Variants in GPSM2 observed in about 807,000 individuals in gnomAD.
GPSM2 encodes G protein-signaling modulator 2.
In GPSM2, 58 loss-of-function variants were observed where a neutral mutation model predicts 78.4. The observed-to-expected ratio is 0.74, with a 90% confidence interval of 0.60 to 0.92. The LOEUF is 0.92. Among genes scored for constraint, GPSM2 ranks in the 40% least tolerant of loss-of-function variants. GPSM2 has a pLI of 0.00. For synonymous variants in GPSM2, 224 were observed against 280.2 expected, an observed-to-expected ratio of 0.80 and a Z score of 2.00; for missense variants, 700 against 815.5, an observed-to-expected ratio of 0.86 and a Z score of 1.73.
At chr1:108,929,596 A>G (rs1557884029) in intron 14 of GPSM2, 105 bp from the exon 15 acceptor site, 12 of 993,136 alleles carry the variant, frequency 1.2e-5, no homozygotes, top group Non-Finnish European at 1.6e-5. Flanking sequence ...GAAGCCCCAA[A>G]TAAAAGTTTA....
chr1:108,883,211 G>C, intron 1 of GPSM2, among the ~76,000 whole-genome samples: 1 of 152,198 alleles, frequency 6.6e-6, no homozygotes, highest in East Asian at 1.9e-4. Flanking sequence ...AACTTCATCA[G>C]TATTCCCAAG....
chr1:108,912,389 T>TA (rs1411194910), intron 10 of GPSM2, among the ~76,000 whole-genome samples: 3 of 152,056 alleles, frequency 2.0e-5, no homozygotes, highest in Non-Finnish European at 4.4e-5. Context: ...TAATCTCACA[T>TA]AAAAATGAAT....
In GPSM2 at chr1:108,928,988, CAAA is replaced by C. The variant is rs58261746; in HGVS notation, c.1816-696_1816-694del. Among the ~76,000 whole-genome samples the C allele has an allele frequency of 7.7e-5, 8 of 104,572 alleles. 1 individual carries two copies. Among genetic ancestry groups the C allele is most frequent in the African/African-American group, 1.1e-4 (3 of 27,090 alleles). The allele number at this position is 104,572 out of a possible 152,430, so 68.6% of individuals were successfully genotyped here. A position where few individuals can be genotyped will look rare whatever the true frequency, so the allele number is the denominator to read the frequency against. ...TGGATGACAGAGCGAGAATCCGTCT[CAAA>C]AAAAAAAAAAAAAAAATTCATTCTG... On this transcript the variant is annotated intron_variant, in intron 14 of 14. Transcript: ENST00000264126.
intron 1 of GPSM2, among the ~76,000 whole-genome samples, chr1:108,883,416 G>C (rs1482410935): frequency 6.6e-6 from 1 of 152,172 alleles, no homozygotes; most frequent in Non-Finnish European, 1.5e-5. Context: ...TAGAACAAAT[G>C]GGTAGAAATG....
chr1:108,920,159 C>A (rs1197874393), intron 12 of GPSM2, among the ~76,000 whole-genome samples: 1 of 135,834 alleles, frequency 7.4e-6, no homozygotes, highest in Non-Finnish European at 1.6e-5. Context: ...AGAGTGAGAC[C>A]CCATCTCAAA....
At chr1:108,908,819 A>C (rs546163830) in intron 10 of GPSM2, among the ~76,000 whole-genome samples, 6 of 151,670 alleles carry the variant, frequency 4.0e-5, no homozygotes, top group African/African-American at 9.7e-5. Flanking sequence ...ACTTGGGCAC[A>C]CAGGGAGACC....
chr1:108,882,022 G>GA (rs1392330057), intron 1 of GPSM2, among the ~76,000 whole-genome samples: 1 of 152,068 alleles, frequency 6.6e-6, no homozygotes, highest in Non-Finnish European at 1.5e-5. Flanking sequence ...TGCAATCATC[G>GA]ATTACTATAA....
Position 108,931,253 on chromosome 1 carries a change from T to A in GPSM2, c.*1313T>A. The A allele has an allele frequency of 1.4e-6, 2 of 1,434,438 alleles. No homozygotes were observed. Among genetic ancestry groups the A allele is most frequent in the East Asian group, 5.0e-5 (2 of 39,604 alleles). 88.9% of individuals were successfully genotyped at this position (1,434,438 alleles called of 1,614,324 possible). ...GATGAAAACTCACAAAAATTAAATATGAAAGAAAGATGTCAGCTAGAACCT... is the reference window on the plus strand; with the variant it reads ...GATGAAAACTCACAAAAATTAAATAAGAAAGAAAGATGTCAGCTAGAACCT... On this transcript the variant is annotated 3_prime_UTR_variant, in exon 15 of 15. Transcript: ENST00000264126.
intron 11 of GPSM2, among the ~76,000 whole-genome samples, chr1:108,917,942 G>A (rs866014627): frequency 4.6e-5 from 7 of 151,708 alleles, no homozygotes; most frequent in South Asian, 2.1e-4. Context: ...TTTTACCTAC[G>A]AAAAAATGTG....
In GPSM2 at chr1:108,929,808, G is replaced by C; in HGVS notation, c.1923G>C (p.Lys641Asn). 1 of 1,614,144 alleles carries C rather than the reference G, an allele frequency of 6.2e-7. No homozygotes were observed. The highest frequency in any genetic ancestry group is 8.5e-7 in the Non-Finnish European group (1 of 1,179,996). The change falls in exon 15 of 15, where the codon AAG (lysine) becomes AAC (asparagine). Residue 641 changes from lysine (K) to asparagine (N), a missense_variant. Lys to Asn is a moderately conservative substitution (Grantham distance 94, BLOSUM62 0). Transcript: ENST00000264126. ...GCCTTATTTTACGGTCCCAGGGAAA[G>C]AGAATGGATGAACAGAGAGTTCTTT... ...FFSLILRSQGKRMDEQRVLLQ... is the reference protein window; with the variant it reads ...FFSLILRSQGNRMDEQRVLLQ...
rs1650788268 is a variant in GPSM2 at position 108,922,527 on chromosome 1, T to TA, written c.1552dup (p.Thr518AsnfsTer12). 1 of 1,595,940 alleles carries TA rather than the reference T, an allele frequency of 6.3e-7. No individual in the cohort carries two copies. The highest frequency in any genetic ancestry group is 8.5e-7 in the Non-Finnish European group (1 of 1,175,492). ...GTTGCTTACAAGAAAAGAACTGCCATACAGCTTCAACAACAACTTCTTCCA... is the reference window on the plus strand; with the variant it reads ...GTTGCTTACAAGAAAAGAACTGCCATAACAGCTTCAACAACAACTTCTTCCA... On this transcript the variant is annotated frameshift_variant, in exon 13 of 15. Transcript: ENST00000264126. LOFTEE classifies it high-confidence loss of function.
At chr1:108,894,654 T>C (rs1648221492) in intron 2 of GPSM2, among the ~76,000 whole-genome samples, 1 of 151,934 alleles carries the variant, frequency 6.6e-6, no homozygotes, top group East Asian at 1.9e-4. Flanking sequence ...GCCAAGATTG[T>C]ACTGCTGCAC....
chr1:108,919,059 G>T (rs1237163609), intron 12 of GPSM2, among the ~76,000 whole-genome samples: 2 of 151,682 alleles, frequency 1.3e-5, no homozygotes, highest in African/African-American at 4.9e-5. Flanking sequence ...CCAGGCTGGA[G>T]TTCAGTGGCG....
chr1:108,912,032 T>G (rs1649791436), intron 10 of GPSM2, among the ~76,000 whole-genome samples: 1 of 152,040 alleles, frequency 6.6e-6, no homozygotes. Context: ...AGTCTCGAAC[T>G]TATGAGTTCA....
chr1:108,904,829 C>T (rs1649101201), intron 10 of GPSM2, among the ~76,000 whole-genome samples: 1 of 151,534 alleles, frequency 6.6e-6, no homozygotes, highest in South Asian at 2.1e-4. Context: ...ATTTCTATAG[C>T]GAGGAAATTT....
intron 14 of GPSM2, among the ~76,000 whole-genome samples, chr1:108,928,208 A>G (rs1173501327): frequency 6.6e-6 from 1 of 152,240 alleles, no homozygotes; most frequent in Non-Finnish European, 1.5e-5. Flanking sequence ...AAACTCAACA[A>G]AAACCAACCT....
intron 10 of GPSM2, among the ~76,000 whole-genome samples, chr1:108,906,842 A>G (rs941431699): frequency 6.6e-6 from 1 of 152,184 alleles, no homozygotes; most frequent in African/African-American, 2.4e-5. Context: ...TCTGTCGCCC[A>G]GGCTGGAGTG....
intron 11 of GPSM2, among the ~76,000 whole-genome samples, chr1:108,915,366 C>A: frequency 1.2e-5 from 1 of 86,430 alleles, no homozygotes; most frequent in East Asian, 2.8e-4. Context: ...CGAGACTTGT[C>A]TCAAAAAAAA....
Position 108,931,385 on chromosome 1 carries a change from A to AGAC in GPSM2, c.*1446_*1448dup, listed in dbSNP as rs1308194869. ...CTGTAGCAAAAGACAAGTATGGGAC[A>AGAC]GACTGGGACCTGGAGTAACACTGGA... On this transcript the variant is annotated 3_prime_UTR_variant, in exon 15 of 15. Transcript: ENST00000264126. The AGAC allele has an allele frequency of 6.4e-7, 1 of 1,551,222 alleles. No homozygotes were observed. The highest frequency in any genetic ancestry group is 1.4e-5 in the African/African-American group (1 of 73,150).
Sources: allele counts gnomAD v4.1 joint callset (sites outside exome capture counted in the v4.1 genomes callset), GRCh38; gene constraint gnomAD v4.1.1; transcripts MANE v1.5; gene names NCBI Gene and HGNC (gene_info 2026-07-23, HGNC 2026-07-21).